The following ETV1 variants were observed in gnomAD, a reference collection of about 807,000 sequenced individuals.
The protein encoded by ETV1 is ETS translocation variant 1.
A neutral mutation model predicts 62.3 loss-of-function variants in ETV1; 27 were observed. The ratio of observed to expected loss-of-function variants is 0.43; its 90% confidence interval spans 0.32 to 0.60. The LOEUF is 0.60. Ranked by LOEUF, ETV1 falls within the 20% of genes least tolerant of loss-of-function variation. The probability of loss-of-function intolerance (pLI) is 0.06; values close to 1 mark genes in which losing one functional copy is unlikely to be tolerated. For missense variants in ETV1, 605 were observed against 605.8 expected (o/e 1.00, Z 0.01); for synonymous variants, 222 against 199.6 (o/e 1.11, Z -0.94).
At chr7:13,946,642 A>G (rs1788199490) in intron 6 of ETV1, among the ~76,000 whole-genome samples, 1 of 152,260 alleles carries the variant, frequency 6.6e-6, no homozygotes, top group Non-Finnish European at 1.5e-5. Flanking sequence ...GAGGATAGAA[A>G]TGCCCTGAGC....
intron 6 of ETV1, among the ~76,000 whole-genome samples, chr7:13,969,688 C>T (rs963941332): frequency 6.6e-6 from 1 of 152,126 alleles, no homozygotes; most frequent in Non-Finnish European, 1.5e-5. Flanking sequence ...TTTATTCATG[C>T]CCAGGTCTGA....
chr7:13,898,820 C>A (rs1041463056), intron 13 of ETV1, among the ~76,000 whole-genome samples: 3 of 152,086 alleles, frequency 2.0e-5, no homozygotes, highest in African/African-American at 7.2e-5. Context: ...TTTACTTGAA[C>A]ATCAGAATGG....
intron 11 of ETV1, 108 bp downstream of exon 11, chr7:13,909,524 A>G: frequency 1.3e-6 from 1 of 791,410 alleles, no homozygotes; most frequent in Non-Finnish European, 2.2e-6. Flanking sequence ...ATGATGAATT[A>G]TGTGCATAGG....
chr7:13,949,065 G>A (rs1788493782), intron 6 of ETV1, among the ~76,000 whole-genome samples: 1 of 151,900 alleles, frequency 6.6e-6, no homozygotes, highest in Admixed American at 6.6e-5. Context: ...AGAATTTTTT[G>A]CACCTGTCTA....
At chr7:13,986,807 TAAAAATA>T (rs1358419005) in intron 4 of ETV1, 122 bp from the exon 5 acceptor site, 7 of 728,384 alleles carry the variant, frequency 9.6e-6, no homozygotes, top group Non-Finnish European at 1.5e-5. Context: ...GCAGTCAACA[TAAAAATA>T]AAAAAAAGAG....
At chr7:13,934,732 G>A (rs1269099835) in intron 8 of ETV1, among the ~76,000 whole-genome samples, 2 of 152,036 alleles carry the variant, frequency 1.3e-5, no homozygotes, top group Non-Finnish European at 2.9e-5. Flanking sequence ...TCTGGTATCC[G>A]TATGCTAGAA....
intron 12 of ETV1, among the ~76,000 whole-genome samples, chr7:13,901,555 G>A (rs1285539295): frequency 6.6e-6 from 1 of 152,120 alleles, no homozygotes; most frequent in Admixed American, 6.6e-5. Context: ...TTGTAAAGGT[G>A]TTTTACTGAG....
At chr7:13,986,590 C>T (rs1422519441) in intron 5 of ETV1, 48 bp downstream of exon 5, 4 of 1,606,924 alleles carry the variant, frequency 2.5e-6, no homozygotes, top group African/African-American at 1.3e-5. Flanking sequence ...TCTTTTCTTT[C>T]TCCTTCTAGA....
intron 6 of ETV1, among the ~76,000 whole-genome samples, chr7:13,949,514 A>G (rs1160247372): frequency 6.6e-6 from 1 of 152,146 alleles, no homozygotes; most frequent in African/African-American, 2.4e-5. Context: ...TGAGGCTCTC[A>G]AAGATTCTTT....
intron 9 of ETV1, among the ~76,000 whole-genome samples, chr7:13,920,951 T>G (rs1026777923): frequency 2.6e-5 from 4 of 152,310 alleles, no homozygotes; most frequent in Non-Finnish European, 4.4e-5. Context: ...CTGTCACTTT[T>G]CACAATTGAA....
At chr7:13,987,946 G>C (rs1188333632) in intron 4 of ETV1, 140 bp downstream of exon 4, 4 of 600,706 alleles carry the variant, frequency 6.7e-6, no homozygotes, top group African/African-American at 1.9e-5. Context: ...TATGTAAATC[G>C]TTCCAAGTTA....
chr7:13,973,370 T>C (rs1781090242), intron 6 of ETV1, among the ~76,000 whole-genome samples: 1 of 152,168 alleles, frequency 6.6e-6, no homozygotes, highest in Admixed American at 6.5e-5. Flanking sequence ...TTTCTAGAGA[T>C]AGATCCCTCT....
intron 4 of ETV1, among the ~76,000 whole-genome samples, chr7:13,987,494 G>T (rs1055814396): frequency 3.2e-4 from 49 of 152,174 alleles, no homozygotes; most frequent in Middle Eastern, 6.8e-3. Context: ...TTCATAAAAA[G>T]AATCTGCAAA....
chr7:13,970,269 C>T (rs1469479827), intron 6 of ETV1, among the ~76,000 whole-genome samples: 5 of 13,884 alleles, frequency 3.6e-4, no homozygotes, highest in African/African-American at 1.1e-3. Flanking sequence ...TCAAAACACA[C>T]ACACACACAC....
At chr7:13,952,528 G>A (rs1788946508) in intron 6 of ETV1, among the ~76,000 whole-genome samples, 1 of 152,124 alleles carries the variant, frequency 6.6e-6, no homozygotes, top group Non-Finnish European at 1.5e-5. Context: ...AAGCAAAATT[G>A]GGTGTAAGTA....
rs114044639 is a variant in ETV1, at chr7:13,892,045, C to G, written c.*3821G>C. The G allele has an allele frequency of 8.6e-6, 2 of 231,874 alleles. No individual in the cohort carries two copies. The highest frequency in any genetic ancestry group is 4.4e-5 in the African/African-American group (2 of 45,276). The allele number at this position is 231,874 out of a possible 1,614,324, so 14.4% of individuals were successfully genotyped here. A position where few individuals can be genotyped will look rare whatever the true frequency, so the allele number is the denominator to read the frequency against. ...GTAGCTTCTGGCAATATATTTCTTT[C>G]CTGGTTATATAAAGATAAGTTGACT... is the stretch of plus-strand genomic sequence containing the variant. On this transcript the variant is annotated 3_prime_UTR_variant, in exon 14 of 14. Transcript: ENST00000430479.
chr7:13,974,548 G>C (rs1235518244), intron 6 of ETV1, among the ~76,000 whole-genome samples: 1 of 152,194 alleles, frequency 6.6e-6, no homozygotes, highest in African/African-American at 2.4e-5. Flanking sequence ...CCAAAAGGCT[G>C]ACTCAGAAGT....
At chr7:13,988,030 G>A in intron 4 of ETV1, 56 bp downstream of exon 4, 2 of 929,748 alleles carry the variant, frequency 2.2e-6, no homozygotes, top group Non-Finnish European at 1.8e-6. Flanking sequence ...TTTTCTTTTA[G>A]CAGGGTGGAG....
intron 9 of ETV1, among the ~76,000 whole-genome samples, chr7:13,919,488 G>C (rs1245764720): frequency 2.4e-5 from 3 of 125,990 alleles, no homozygotes; most frequent in African/African-American, 9.1e-5. Context: ...TTTTTTTTTT[G>C]ATACTTTTCA....
Sources: gnomAD v4.1 joint callset for allele counts (sites outside exome capture counted in the v4.1 genomes callset) on GRCh38, gnomAD v4.1.1 for gene constraint, MANE v1.5 for transcripts, NCBI Gene and HGNC (gene_info 2026-07-23, HGNC 2026-07-21) for gene names.